CFAP299: variants seen among roughly 807,000 people sequenced by gnomAD.
The protein encoded by CFAP299 is cilia and flagella associated protein 299, also known as cilia- and flagella-associated protein 299.
A neutral mutation model predicts 27.0 loss-of-function variants in CFAP299; 21 were observed. The observed-to-expected ratio is 0.78, with a 90% CI of 0.55 to 1.12. The LOEUF (loss-of-function observed/expected upper bound fraction) is 1.12. Ranked by LOEUF, CFAP299 falls within the 50% of genes most tolerant of loss-of-function variation. The pLI, the probability that CFAP299 is intolerant of heterozygous loss-of-function variation, is 0.00. For missense variants in CFAP299, 310 were observed against 276.6 expected, an observed-to-expected ratio of 1.12 and a Z score of -0.86; for synonymous variants, 104 against 98.1, an observed-to-expected ratio of 1.06 and a Z score of -0.36.
chr4:80,954,494 G>T (rs1381143537), intron 5 of CFAP299, among the ~76,000 whole-genome samples: 1 of 152,140 alleles, frequency 6.6e-6, no homozygotes, highest in Non-Finnish European at 1.5e-5. Context: ...GGCTATTGCT[G>T]GCTGAGATAT....
intron 3 of CFAP299, among the ~76,000 whole-genome samples, chr4:80,811,869 A>T (rs748803026): frequency 3.9e-5 from 6 of 152,094 alleles, no homozygotes; most frequent in Non-Finnish European, 7.4e-5. Context: ...ATTTGGAGAG[A>T]CAAGGAACTA....
At chr4:80,626,723 T>C (rs1192314367) in intron 3 of CFAP299, among the ~76,000 whole-genome samples, 1 of 151,792 alleles carries the variant, frequency 6.6e-6, no homozygotes, top group Non-Finnish European at 1.5e-5. Flanking sequence ...TAAGAGATTA[T>C]TATGAACATT....
rs141358842 is a variant in CFAP299, at chr4:80,948,814, C to T, written c.606+3875C>T. On this transcript the variant is annotated intron_variant, in intron 5 of 5. Coordinates refer to ENST00000358105, the MANE Select transcript of CFAP299 (RefSeq NM_152770.3). ...GAATTGATGATTGAATGGATCATTCCCTCCAAAAGCAATAATAACAATAAT... is the reference window on the plus strand; with the variant it reads ...GAATTGATGATTGAATGGATCATTCTCTCCAAAAGCAATAATAACAATAAT... Among the ~76,000 whole-genome samples the T allele has an allele frequency of 3.6e-3, 550 of 151,802 alleles. 1 individual carries two copies. Among genetic ancestry groups the T allele is most frequent in the Middle Eastern group, 0.014 (4 of 292 alleles).
At chr4:80,649,947 C>T (rs906645114) in intron 3 of CFAP299, among the ~76,000 whole-genome samples, 6 of 151,720 alleles carry the variant, frequency 4.0e-5, no homozygotes, top group South Asian at 2.1e-4. Flanking sequence ...CATTTTTGTA[C>T]GTGATTAATA....
chr4:80,866,065 A>ATATATATATATG (rs1287015736), intron 3 of CFAP299, among the ~76,000 whole-genome samples: 2 of 62,374 alleles, frequency 3.2e-5, no homozygotes, highest in East Asian at 9.3e-4. Context: ...AGTATTATAT[A>ATATATATATATG]TATATATATA....
At chr4:80,615,671 G>T (rs1283092008) in intron 3 of CFAP299, among the ~76,000 whole-genome samples, 1 of 151,958 alleles carries the variant, frequency 6.6e-6, no homozygotes, top group African/African-American at 2.4e-5. Flanking sequence ...CAAGTAGCTG[G>T]GATCCCAGGT....
At chr4:80,331,057 G>A (rs574963632), upstream of CFAP299, among the ~76,000 whole-genome samples, 1 of 152,298 alleles carries the variant, frequency 6.6e-6, no homozygotes, top group South Asian at 2.1e-4. Context: ...TGGGAACACA[G>A]GAGACTACTA....
chr4:80,618,545 G>A (rs1738412885), intron 3 of CFAP299, among the ~76,000 whole-genome samples: 2 of 152,054 alleles, frequency 1.3e-5, no homozygotes, highest in South Asian at 2.1e-4. Flanking sequence ...AAATAATTTA[G>A]AGGTAAAGTA....
intron 3 of CFAP299, among the ~76,000 whole-genome samples, chr4:80,624,098 A>G (rs1271739946): frequency 1.3e-5 from 2 of 152,196 alleles, no homozygotes; most frequent in Non-Finnish European, 2.9e-5. Flanking sequence ...ACAAATATCA[A>G]GAACAATCAG....
chr4:80,549,587 G>A (rs1197694034), intron 2 of CFAP299, among the ~76,000 whole-genome samples: 1 of 152,112 alleles, frequency 6.6e-6, no homozygotes, highest in Non-Finnish European at 1.5e-5. Context: ...CCTTAAATAT[G>A]CTGCTGTGCA....
chr4:80,440,280 G>A (rs11723594), intron 2 of CFAP299, among the ~76,000 whole-genome samples: 29,306 of 151,984 alleles, frequency 0.19, 2,996 homozygotes, highest in South Asian at 0.29. Flanking sequence ...AGCAGGGCTC[G>A]ACAGACACCT....
At chr4:80,378,639 G>A (rs998448318) in intron 2 of CFAP299, among the ~76,000 whole-genome samples, 3 of 152,008 alleles carry the variant, frequency 2.0e-5, no homozygotes, top group Non-Finnish European at 2.9e-5. Flanking sequence ...AATTCTGTCA[G>A]ATGATATTTT....
In CFAP299 at chr4:80,583,326, A is replaced by C; in HGVS notation, c.333+143A>C. ...TCTTTATTAATTATATATTATAGGA[A>C]TATACATAGAAAGTTAAAAATTATC... On this transcript the variant is annotated intron_variant, in intron 3 of 5. Coordinates refer to ENST00000358105, the MANE Select transcript of CFAP299 (RefSeq NM_152770.3). 6 of 414,118 alleles carry C rather than the reference A, an allele frequency of 1.4e-5. No homozygotes were observed. In the South Asian group the frequency reaches 4.2e-4, roughly 29 times the overall value. The allele number at this position is 414,118 out of a possible 1,614,324, so 25.7% of individuals were successfully genotyped here.
At chr4:80,490,639 T>C (rs1164132692) in intron 2 of CFAP299, among the ~76,000 whole-genome samples, 3 of 152,246 alleles carry the variant, frequency 2.0e-5, no homozygotes, top group African/African-American at 7.2e-5. Context: ...ACAGAAATAG[T>C]ATAACTTACA....
At chr4:80,370,602 G>A (rs1179204410) in intron 2 of CFAP299, among the ~76,000 whole-genome samples, 1 of 152,198 alleles carries the variant, frequency 6.6e-6, no homozygotes, top group Non-Finnish European at 1.5e-5. Flanking sequence ...CAAAAGAAAG[G>A]GGCTACAGGC....
At chr4:80,490,719 A>G (rs1004338463) in intron 2 of CFAP299, among the ~76,000 whole-genome samples, 7 of 152,196 alleles carry the variant, frequency 4.6e-5, no homozygotes, top group African/African-American at 1.7e-4. Context: ...TTTACAAAAC[A>G]CATATATTTG....
intron 2 of CFAP299, among the ~76,000 whole-genome samples, chr4:80,451,983 G>T (rs1728926322): frequency 6.6e-6 from 1 of 152,132 alleles, no homozygotes; most frequent in Non-Finnish European, 1.5e-5. Flanking sequence ...CTACTGGCAG[G>T]TAGGCACATT....
At chr4:80,687,942 A>G (rs1179728522) in intron 3 of CFAP299, among the ~76,000 whole-genome samples, 1 of 152,200 alleles carries the variant, frequency 6.6e-6, no homozygotes, top group Non-Finnish European at 1.5e-5. Context: ...GGCACCTGGA[A>G]GAAAGGGTCA....
chr4:80,462,542 C>T (rs1223450671), intron 2 of CFAP299, among the ~76,000 whole-genome samples: 1 of 152,166 alleles, frequency 6.6e-6, no homozygotes, highest in Non-Finnish European at 1.5e-5. Flanking sequence ...TTCTCTGACA[C>T]AGAGTTTGGG....
Sources: gnomAD v4.1 joint callset for allele counts (sites outside exome capture counted in the v4.1 genomes callset) on GRCh38, gnomAD v4.1.1 for gene constraint, MANE v1.5 for transcripts, NCBI Gene and HGNC (gene_info 2026-07-23, HGNC 2026-07-21) for gene names.